Variants in DYTN observed in about 807,000 individuals in gnomAD.
DYTN encodes dystrotelin.
DYTN carries 75 observed loss-of-function variants against 69.6 expected under a neutral mutation model. The observed-to-expected ratio is 1.08, with a 90% confidence interval of 0.89 to 1.31. The LOEUF (loss-of-function observed/expected upper bound fraction) is 1.31. DYTN is among the 50% of genes most tolerant of loss of function. The pLI, the probability that DYTN is intolerant of heterozygous loss-of-function variation, is 0.00. For missense variants in DYTN, 726 were observed against 688.4 expected, an observed-to-expected ratio of 1.05 and a Z score of -0.61; for synonymous variants, 252 against 249.1, an observed-to-expected ratio of 1.01 and a Z score of -0.11.
intron 9 of DYTN, among the ~76,000 whole-genome samples, chr2:206,680,160 A>T (rs956123816): frequency 2.0e-5 from 3 of 152,214 alleles, no homozygotes; most frequent in African/African-American, 7.2e-5. Flanking sequence ...GAGGCCTCAT[A>T]ATCATGGCAG....
intron 11 of DYTN, among the ~76,000 whole-genome samples, chr2:206,659,241 A>T (rs557838939): frequency 2.3e-5 from 3 of 130,450 alleles, no homozygotes; most frequent in South Asian, 2.5e-4. Context: ...GCGCGATCTC[A>T]GCTCACTGCA....
At chr2:206,686,343 C>T (rs1699805275) in intron 9 of DYTN, among the ~76,000 whole-genome samples, 1 of 152,102 alleles carries the variant, frequency 6.6e-6, no homozygotes, top group Admixed American at 6.5e-5. Context: ...GTAGAAGCCT[C>T]GAAGAAATGA....
At chr2:206,661,795 C>T (rs780615354) in intron 11 of DYTN, among the ~76,000 whole-genome samples, 4 of 152,228 alleles carry the variant, frequency 2.6e-5, no homozygotes, top group East Asian at 1.9e-4. Context: ...AAGTTACATG[C>T]GAATTTTCAA....
chr2:206,687,015 C>A, intron 9 of DYTN: 1 of 158,188 alleles, frequency 6.3e-6, no homozygotes, highest in South Asian at 1.9e-4. Flanking sequence ...TGCCTCATGT[C>A]ACAGCGTAGT....
rs768706899 is a variant in DYTN at position 206,663,338 on chromosome 2, C to T, written c.1198G>A (p.Val400Ile). 25 of 1,613,114 alleles carry T rather than the reference C, an allele frequency of 1.5e-5. No homozygotes were observed. The South Asian group carries it at 2.6e-4, about 17-fold the overall frequency. Residue 400 changes from valine (V) to isoleucine (I), a missense_variant, in exon 11 of 12, where the codon GTT becomes ATT. By Grantham distance (29) the Val-to-Ile change is conservative. Transcript: ENST00000452335. ...ACCTTTTCAGTTGAAGAATGGTCAA[C>T]CTTGTTCCCCACATTTTGAAAGGAA... ...SSSFQNVGNK[V>I]DHSSTEKVPK...
chr2:206,702,499 G>A (rs908106987), intron 5 of DYTN, among the ~76,000 whole-genome samples: 8 of 152,230 alleles, frequency 5.3e-5, no homozygotes, highest in African/African-American at 1.9e-4. Context: ...ACTTTAAATT[G>A]ATAATAATCC....
chr2:206,700,179 G>A lies in DYTN; in HGVS notation c.521C>T (p.Pro174Leu). Residue 174 changes from proline to leucine, a missense_variant, in exon 6 of 12, where the codon CCT (proline) becomes CTT (leucine). Pro to Leu is a moderately conservative substitution (Grantham distance 98, BLOSUM62 -3). Coordinates refer to ENST00000452335, the MANE Select transcript of DYTN (RefSeq NM_001093730.1). ...ACAGCTGCGGGTGGCACTTTCCACA[G>A]GGCACAGAGCACGACTCTCTCCCAC... ...TFVGESRALCPVESATRSCFQ... is the reference protein window; with the variant it reads ...TFVGESRALCLVESATRSCFQ... 6.2e-7 allele frequency: 1 copy of A among 1,613,952 alleles called. No homozygotes were observed. The highest frequency in any genetic ancestry group is 8.5e-7 in the Non-Finnish European group (1 of 1,179,840).
At chr2:206,689,359 G>A (rs1021657212) in intron 9 of DYTN, among the ~76,000 whole-genome samples, 32 of 152,300 alleles carry the variant, frequency 2.1e-4, no homozygotes, top group African/African-American at 7.2e-4. Flanking sequence ...TATCAAAGAT[G>A]TGTTTTTTAC....
chr2:206,713,588 C>A (rs755794242), intron 1 of DYTN, among the ~76,000 whole-genome samples: 2 of 152,094 alleles, frequency 1.3e-5, no homozygotes, highest in African/African-American at 4.8e-5. Context: ...CATGTTCACA[C>A]ATTTAGAGTT....
intron 2 of DYTN, 84 bp downstream of exon 2, chr2:206,710,440 G>A: frequency 7.8e-7 from 1 of 1,276,082 alleles, no homozygotes; most frequent in South Asian, 1.4e-5. Flanking sequence ...AGCTGCATGG[G>A]GGGAGTGTTT....
Position 206,663,943 on chromosome 2 carries a change from T to C in DYTN, c.1141-548A>G, listed in dbSNP as rs143591155. Among the ~76,000 whole-genome samples the C allele has an allele frequency of 5.5e-3, 841 of 152,292 alleles. 15 individuals are homozygous for C. The highest frequency in any genetic ancestry group is 0.019 in the African/African-American group (799 of 41,560). ...AGGATACTTAGATGTTATTTGTTTA[T>C]TGTATTGACATGTGCACTGATGATG... On this transcript the variant is annotated intron_variant, in intron 10 of 11. Coordinates refer to ENST00000452335, the MANE Select transcript of DYTN (RefSeq NM_001093730.1).
intron 9 of DYTN, among the ~76,000 whole-genome samples, chr2:206,685,464 C>T (rs1699796306): frequency 1.3e-5 from 2 of 152,142 alleles, no homozygotes; most frequent in South Asian, 2.1e-4. Context: ...TACCTGGTCA[C>T]ATAGCTTATT....
chr2:206,710,624 G>A, intron 1 of DYTN, 26 bp from the exon 2 acceptor site: 1 of 1,517,230 alleles, frequency 6.6e-7, no homozygotes, highest in Middle Eastern at 1.7e-4. Context: ...AAAATATTAT[G>A]AATAAAGTCT....
intron 2 of DYTN, among the ~76,000 whole-genome samples, chr2:206,709,839 G>A (rs77861227): frequency 7.9e-5 from 12 of 152,060 alleles, no homozygotes; most frequent in African/African-American, 2.9e-4. Context: ...TGCCTGATGT[G>A]TTTCATAGCT....
chr2:206,684,130 T>G (rs939323857), intron 9 of DYTN, among the ~76,000 whole-genome samples: 1 of 152,128 alleles, frequency 6.6e-6, no homozygotes, highest in East Asian at 1.9e-4. Context: ...AATAAACTTA[T>G]TGAATAAATA....
At chr2:206,682,022 G>C (rs1317583181) in intron 9 of DYTN, among the ~76,000 whole-genome samples, 1 of 152,022 alleles carries the variant, frequency 6.6e-6, no homozygotes, top group Non-Finnish European at 1.5e-5. Context: ...TTTTTTGGTT[G>C]GTAGGCCATT....
At chr2:206,658,646 A>C (rs756031381) in intron 11 of DYTN, among the ~76,000 whole-genome samples, 7 of 152,214 alleles carry the variant, frequency 4.6e-5, no homozygotes, top group Non-Finnish European at 1.0e-4. Context: ...CAGAAGAGTT[A>C]GAAAGTTGGA....
rs377529149 is a variant in DYTN at position 206,651,963 on chromosome 2, G to A, written c.1634-42C>T. ...AGAGAGTCATTTAGAGAAACATACCGGTAGCTTCTCATGAAGATATTGATA... is the reference window on the plus strand; with the variant it reads ...AGAGAGTCATTTAGAGAAACATACCAGTAGCTTCTCATGAAGATATTGATA... On this transcript the variant is annotated intron_variant, in intron 11 of 11. Coordinates refer to ENST00000452335, the MANE Select transcript of DYTN (RefSeq NM_001093730.1). 2.9e-5 allele frequency: 45 copies of A among 1,550,808 alleles called. No homozygotes were observed. In the African/African-American group the frequency reaches 3.0e-4, roughly 10 times the overall value.
intron 5 of DYTN, among the ~76,000 whole-genome samples, chr2:206,703,432 C>T (rs1445112850): frequency 3.3e-5 from 5 of 151,994 alleles, no homozygotes; most frequent in Non-Finnish European, 7.4e-5. Flanking sequence ...GTCAGTAGAA[C>T]GTTTGATGGT....
Sources: gnomAD v4.1 joint callset for allele counts (sites outside exome capture counted in the v4.1 genomes callset) on GRCh38, gnomAD v4.1.1 for gene constraint, MANE v1.5 for transcripts, NCBI Gene and HGNC (gene_info 2026-07-23, HGNC 2026-07-21) for gene names.